The following IMMP2L variants were observed in gnomAD, a reference collection of about 807,000 sequenced individuals.
IMMP2L encodes the protein mitochondrial inner membrane protease subunit 2.
Under a neutral mutation model 19.3 loss-of-function variants are expected in IMMP2L, and 18 were observed. The observed-to-expected ratio is 0.93, with a 90% CI of 0.64 to 1.38. The LOEUF (loss-of-function observed/expected upper bound fraction) is 1.38, where lower values mean the gene tolerates loss of function less well. Ranked by LOEUF, IMMP2L falls within the 40% of genes most tolerant of loss-of-function variation. IMMP2L has a pLI of 0.00. For missense variants in IMMP2L, 233 were observed against 218.2 expected, an observed-to-expected ratio of 1.07 and a Z score of -0.43; for synonymous variants, 76 against 73.0, an observed-to-expected ratio of 1.04 and a Z score of -0.21.
chr7:110,904,789 C>T lies in IMMP2L; in HGVS notation c.306-18094G>A, dbSNP rs560502880. ...CTCTAGTGCATCTTAGGCTAAATTG[C>T]GATTTGTCAGTGAAGGTGAGTCCAA... On this transcript the variant is annotated intron_variant, in intron 4 of 5. Coordinates refer to ENST00000405709, the MANE Select transcript of IMMP2L (RefSeq NM_032549.4). 1.1e-4 allele frequency among the ~76,000 whole-genome samples: 17 copies of T among 152,230 alleles called. No homozygotes were observed. The South Asian group carries it at 2.7e-3, about 24-fold the overall frequency.
chr7:111,462,605 T>C (rs968128850), intron 3 of IMMP2L, among the ~76,000 whole-genome samples: 8 of 152,084 alleles, frequency 5.3e-5, no homozygotes, highest in Non-Finnish European at 1.5e-5. Flanking sequence ...CAAATCAGGG[T>C]AACTGGGATA....
At chr7:110,714,401 A>C (rs1362325606) in intron 5 of IMMP2L, among the ~76,000 whole-genome samples, 1 of 152,104 alleles carries the variant, frequency 6.6e-6, no homozygotes, top group African/African-American at 2.4e-5. Context: ...AATGGCCTAA[A>C]GTTTTCTTTT....
intron 3 of IMMP2L, among the ~76,000 whole-genome samples, chr7:111,058,328 T>A (rs2129574192): frequency 6.6e-6 from 1 of 152,314 alleles, no homozygotes; most frequent in East Asian, 1.9e-4. Flanking sequence ...TACAAAATTA[T>A]AATGTGTATT....
chr7:111,513,606 T>C (rs1845639870), intron 2 of IMMP2L, among the ~76,000 whole-genome samples: 1 of 152,164 alleles, frequency 6.6e-6, no homozygotes, highest in Admixed American at 6.5e-5. Context: ...CTTCTGGATA[T>C]GTATCCAAAG....
At chr7:111,378,077 A>C (rs906213818) in intron 3 of IMMP2L, among the ~76,000 whole-genome samples, 1 of 152,028 alleles carries the variant, frequency 6.6e-6, no homozygotes, top group Admixed American at 6.6e-5. Context: ...TTTTTAACAC[A>C]ACTTTAGATA....
At chr7:110,953,333 C>A (rs1818026197) in intron 4 of IMMP2L, among the ~76,000 whole-genome samples, 1 of 151,222 alleles carries the variant, frequency 6.6e-6, no homozygotes, top group Non-Finnish European at 1.5e-5. Flanking sequence ...CACCCCCCGA[C>A]AGGCCCCAGT....
intron 3 of IMMP2L, among the ~76,000 whole-genome samples, chr7:111,259,653 A>C (rs1361630426): frequency 9.4e-6 from 1 of 105,894 alleles, no homozygotes; most frequent in Non-Finnish European, 1.9e-5. Flanking sequence ...TAATTTTAAA[A>C]CAATAATAAT....
At position 111,030,880 on chromosome 7, in the gene IMMP2L, GTGTGTATATA is replaced by G. The variant is rs1409953936; in HGVS notation, c.240-67325_240-67316del. Among the ~76,000 whole-genome samples the G allele has an allele frequency of 2.9e-4, 5 of 17,178 alleles. No homozygotes were observed. The South Asian group carries it at 6.5e-3, about 22-fold the overall frequency. The allele number at this position is 17,178 out of a possible 152,430, so 11.3% of individuals were successfully genotyped here. A position where few individuals can be genotyped will look rare whatever the true frequency, so the allele number is the denominator to read the frequency against. On this transcript the variant is annotated intron_variant, in intron 3 of 5. Coordinates refer to ENST00000405709, the MANE Select transcript of IMMP2L (RefSeq NM_032549.4). ...CATATGTGTGTGTATGTGTGTGTGT[GTGTGTATATA>G]TATATATATATATATATATATATAT... is the stretch of plus-strand genomic sequence containing the variant.
chr7:111,554,869 C>T (rs1462203798), intron 1 of IMMP2L, among the ~76,000 whole-genome samples: 1 of 152,128 alleles, frequency 6.6e-6, no homozygotes, highest in Non-Finnish European at 1.5e-5. Flanking sequence ...CCACCTCAGC[C>T]TCCCAAAGTA....
chr7:111,507,120 C>T (rs1212874228), intron 2 of IMMP2L, among the ~76,000 whole-genome samples: 6 of 152,156 alleles, frequency 3.9e-5, no homozygotes, highest in African/African-American at 1.4e-4. Flanking sequence ...GGATTATAGG[C>T]GTGAGCCACT....
At chr7:111,037,030 A>T (rs1212990048) in intron 3 of IMMP2L, among the ~76,000 whole-genome samples, 1 of 152,196 alleles carries the variant, frequency 6.6e-6, no homozygotes, top group African/African-American at 2.4e-5. Context: ...TGCTGAGCAG[A>T]TCCCTCCCTC....
At position 110,744,405 on chromosome 7, in the gene IMMP2L, C is replaced by G. The variant is rs548206621; in HGVS notation, c.409-80684G>C. On this transcript the variant is annotated intron_variant, in intron 5 of 5. Transcript: ENST00000405709. ...ACAGCGTTTGAGCTCTGATAAGGGACAGACTGCCTCCTCAAGTAGGTCCCT... is the reference window on the plus strand; with the variant it reads ...ACAGCGTTTGAGCTCTGATAAGGGAGAGACTGCCTCCTCAAGTAGGTCCCT... Among the ~76,000 whole-genome samples the G allele has an allele frequency of 2.4e-4, 36 of 152,346 alleles. 2 individuals carry two copies. The South Asian group carries it at 7.5e-3, about 32-fold the overall frequency.
intron 1 of IMMP2L, among the ~76,000 whole-genome samples, chr7:111,544,564 A>G (rs567012502): frequency 5.6e-4 from 86 of 152,246 alleles, no homozygotes; most frequent in African/African-American, 1.2e-3. Flanking sequence ...ACAAGGCCCA[A>G]TGAATTTATA....
At chr7:111,488,132 G>T (rs1842805031) in intron 2 of IMMP2L, among the ~76,000 whole-genome samples, 1 of 152,122 alleles carries the variant, frequency 6.6e-6, no homozygotes, top group Admixed American at 6.5e-5. Flanking sequence ...AGAACAGGGG[G>T]ACAAAATAAT....
intron 4 of IMMP2L, among the ~76,000 whole-genome samples, chr7:110,954,022 A>G (rs559760431): frequency 3.9e-5 from 6 of 151,964 alleles, no homozygotes; most frequent in Admixed American, 2.0e-4. Flanking sequence ...TTGTTTGCCT[A>G]ATCTTTTCAG....
chr7:111,122,290 A>T (rs551914069), intron 3 of IMMP2L: 1 of 152,726 alleles, frequency 6.5e-6, no homozygotes, highest in Admixed American at 6.5e-5. Context: ...AAGTACTTAA[A>T]CTCTAAGAAT....
chr7:110,932,412 G>C (rs1459006291), intron 4 of IMMP2L, among the ~76,000 whole-genome samples: 1 of 151,868 alleles, frequency 6.6e-6, no homozygotes, highest in African/African-American at 2.4e-5. Flanking sequence ...GGAGTGCAGT[G>C]GCAAGATCTC....
At chr7:111,406,263 T>G (rs1031216032) in intron 3 of IMMP2L, among the ~76,000 whole-genome samples, 1 of 152,058 alleles carries the variant, frequency 6.6e-6, no homozygotes, top group East Asian at 1.9e-4. Context: ...TCTATTTCTC[T>G]CATACTCCAT....
chr7:110,748,806 A>G (rs1459325772), intron 5 of IMMP2L, among the ~76,000 whole-genome samples: 1 of 152,172 alleles, frequency 6.6e-6, no homozygotes, highest in Non-Finnish European at 1.5e-5. Flanking sequence ...CTAGAAGAAA[A>G]CCTAGCCAAT....
Sources: allele counts gnomAD v4.1 joint callset (sites outside exome capture counted in the v4.1 genomes callset), GRCh38; gene constraint gnomAD v4.1.1; transcripts MANE v1.5; gene names NCBI Gene and HGNC (gene_info 2026-07-23, HGNC 2026-07-21).